SNED1: variants seen among roughly 807,000 people sequenced by gnomAD.
The protein encoded by SNED1 is sushi, nidogen and EGF-like domain-containing protein 1.
SNED1 carries 81 observed loss-of-function variants against 166.7 expected under a neutral mutation model. That is an observed-to-expected ratio of 0.49 (90% CI 0.41 to 0.58). The LOEUF (loss-of-function observed/expected upper bound fraction) is 0.58. SNED1 is among the 20% of genes least tolerant of loss of function. The pLI is 0.00. For synonymous variants in SNED1, 762 were observed against 822.0 expected (o/e 0.93, Z 1.25); for missense variants, 1,604 against 2,000.2 (o/e 0.80, Z 3.78).
At chr2:241,089,948 A>G (rs1282128404) in intron 31 of SNED1, 3 of 1,543,900 alleles carry the variant, frequency 1.9e-6, no homozygotes, top group Non-Finnish European at 2.6e-6. Context: ...ACCTACAGTA[A>G]AAATAGATAT....
At chr2:241,036,555 G>A (rs990416368) in intron 4 of SNED1, among the ~76,000 whole-genome samples, 6 of 152,068 alleles carry the variant, frequency 3.9e-5, no homozygotes, top group Non-Finnish European at 8.8e-5. Context: ...CAGGGAGTCC[G>A]CCCCACACGA....
chr2:241,072,588 G>A, intron 26 of SNED1: 1 of 266,740 alleles, frequency 3.7e-6, no homozygotes, highest in Non-Finnish European at 7.2e-6. Flanking sequence ...AGGCAGAGGA[G>A]GGAGGGAAAT....
intron 8 of SNED1, among the ~76,000 whole-genome samples, chr2:241,042,838 AAAAAG>A (rs1559255839): frequency 6.6e-6 from 1 of 152,350 alleles, no homozygotes; most frequent in Admixed American, 6.5e-5. Flanking sequence ...AGACTAAAAG[AAAAAG>A]AAGAGATCTT....
At chr2:241,090,339 A>C (rs1420087646) in intron 31 of SNED1, 2 of 1,550,322 alleles carry the variant, frequency 1.3e-6, no homozygotes, top group Non-Finnish European at 1.7e-6. Flanking sequence ...AGTAACACAC[A>C]TGGAGCTGCC....
chr2:241,031,579 C>T (rs1190806045), intron 2 of SNED1, among the ~76,000 whole-genome samples: 1 of 152,236 alleles, frequency 6.6e-6, no homozygotes, highest in Non-Finnish European at 1.5e-5. Flanking sequence ...CAGCCAGGGG[C>T]ACTTCCAGGA....
rs368184516 is a variant in SNED1, at chr2:241,065,470, G to A, written c.2885G>A (p.Arg962His). 8.7e-6 allele frequency: 14 copies of A among 1,612,866 alleles called. No individual in the cohort carries two copies. The African/African-American group carries it at 1.2e-4, about 14-fold the overall frequency. Residue 962 changes from arginine to histidine, a missense_variant, in exon 21 of 32, where the codon CGC becomes CAC. By Grantham distance (29) the Arg-to-His change is conservative (BLOSUM62 0). This residue lies in a region of SNED1 where 1,237 missense variants were observed against 1,620.8 expected (regional missense o/e 0.76). Coordinates refer to ENST00000310397, the MANE Select transcript of SNED1 (RefSeq NM_001080437.3). ...YRRTDFVDRT[R>H]SSHQLQALAA... ...CGCACAGACTTTGTGGACAGGACCCGCTCCTCGCACCAGCTCCAGGCCCTG... is the reference window on the plus strand; with the variant it reads ...CGCACAGACTTTGTGGACAGGACCCACTCCTCGCACCAGCTCCAGGCCCTG...
intron 21 of SNED1, among the ~76,000 whole-genome samples, chr2:241,066,382 G>C (rs1228552368): frequency 2.0e-5 from 3 of 152,216 alleles, no homozygotes; most frequent in Non-Finnish European, 4.4e-5. Flanking sequence ...GGACGGACAG[G>C]GGCAGGGCCG....
At position 241,069,993 on chromosome 2, in the gene SNED1, G is replaced by A. The variant is rs778440237; in HGVS notation, c.3381G>A (p.Pro1127=). Residue 1127 remains proline, a synonymous_variant, in exon 24 of 32, where the codon CCG becomes CCA. Transcript: ENST00000310397. This position sits in a 1 kb window ranked among gnomAD's most constrained non-coding sequence, Gnocchi z 4.9. ...CTGCCCACGTGGTCTGGGATGCCCC[G>A]ACTCCAGGCAGCTTGCTGGAGGCTT... The part of the protein sequence containing the change: ...ATSAHVVWDA[P]TPGSLLEAYV... 1.4e-5 allele frequency: 22 copies of A among 1,612,848 alleles called. No homozygotes were observed. The highest frequency in any genetic ancestry group is 6.6e-5 in the South Asian group (6 of 91,086).
rs1302551735 is a variant in SNED1 at position 241,036,895 on chromosome 2, C to T, written c.911C>T (p.Thr304Met). The change falls in exon 5 of 32, where the codon ACG becomes ATG. Residue 304 changes from threonine (T) to methionine (M), a missense_variant. By Grantham distance (81) the Thr-to-Met change is moderately conservative. This residue lies in a region of SNED1 where 1,237 missense variants were observed against 1,620.8 expected (regional missense o/e 0.76). Transcript: ENST00000310397. ...SYTCSCLSGF[T>M]GRRCHLDVNE... ...ACCTGCTCCTGCCTCTCGGGCTTCA[C>T]GGGGCGGAGGTGCCACCTGGGTGAG... 1.2e-6 allele frequency: 2 copies of T among 1,611,194 alleles called. No individual in the cohort carries two copies. The highest frequency in any genetic ancestry group is 1.1e-5 in the South Asian group (1 of 90,930).
Position 241,064,842 on chromosome 2 carries a change from AG to A in SNED1, c.2600-1del. On this transcript the variant is annotated splice_acceptor_variant, in intron 19 of 31. Coordinates refer to ENST00000310397, the MANE Select transcript of SNED1 (RefSeq NM_001080437.3). LOFTEE classifies it high-confidence loss of function. The surrounding 1 kb of genome is among the most constrained non-coding windows in gnomAD (Gnocchi z 7.0). ...ATACACTGCCACTTTTTCTCCCCTC[AG>A]TGAGTGACCCCTGCTTCTCCAGCCC... 1 of 1,582,190 alleles carries A rather than the reference AG, an allele frequency of 6.3e-7. No individual in the cohort carries two copies. The highest frequency in any genetic ancestry group is 8.6e-7 in the Non-Finnish European group (1 of 1,169,562).
At chr2:241,027,915 A>C (rs1157909563) in intron 1 of SNED1, among the ~76,000 whole-genome samples, 1 of 151,908 alleles carries the variant, frequency 6.6e-6, no homozygotes. Context: ...TTGTATTTCT[A>C]GTAGAGACAG....
intron 27 of SNED1, among the ~76,000 whole-genome samples, chr2:241,079,284 C>T (rs1224580163): frequency 1.3e-5 from 2 of 151,006 alleles, no homozygotes; most frequent in Non-Finnish European, 2.9e-5. Flanking sequence ...CAGTGGCAGG[C>T]GCCTGTAGTC....
chr2:241,048,590 G>A (rs2061733636), intron 9 of SNED1, 72 bp from the exon 10 acceptor site: 1 of 1,512,364 alleles, frequency 6.6e-7, no homozygotes, highest in African/African-American at 1.4e-5. Flanking sequence ...CCAGGAGCAG[G>A]GCAGGGTCTG....
chr2:241,088,415 T>C lies in SNED1; in HGVS notation c.*1+13T>C. 6.2e-7 allele frequency: 1 copy of C among 1,607,660 alleles called. No individual in the cohort carries two copies. Among genetic ancestry groups the C allele is most frequent in the Middle Eastern group, 1.7e-4 (1 of 6,052 alleles). ...GAGAAATCTTAAGGTACGTCCCTGC[T>C]GCTCCCGCCCCACTACCACAGAGCT... On this transcript the variant is annotated intron_variant, in intron 31 of 31. Transcript: ENST00000310397.
chr2:241,005,084 A>G (rs1011969255), intron 1 of SNED1, among the ~76,000 whole-genome samples: 47 of 152,030 alleles, frequency 3.1e-4, no homozygotes, highest in African/African-American at 1.1e-3. Context: ...AAAGTCTTTT[A>G]TATTTACCCA....
In SNED1 at chr2:241,051,918, G is replaced by A; in HGVS notation, c.1852+58G>A. 6.8e-7 allele frequency: 1 copy of A among 1,477,354 alleles called. No individual in the cohort carries two copies. The highest frequency in any genetic ancestry group is 2.5e-5 in the East Asian group (1 of 40,704). 91.5% of individuals were successfully genotyped at this position (1,477,354 alleles called of 1,614,324 possible). A position where few individuals can be genotyped will look rare whatever the true frequency, so the allele number is the denominator to read the frequency against. Reference sequence around the variant, plus strand: ...AACGACGGGCCAGCCCTGAGCTGGGGCCCCTGATGCACCCTCCCTGCCAGC... The same window carrying A: ...AACGACGGGCCAGCCCTGAGCTGGGACCCCTGATGCACCCTCCCTGCCAGC... On this transcript the variant is annotated intron_variant, in intron 13 of 31. Transcript: ENST00000310397. The surrounding 1 kb of genome is among the most constrained non-coding windows in gnomAD (Gnocchi z 4.7).
Position 241,055,150 on chromosome 2 carries a change from A to G in SNED1, c.2257+1824A>G, listed in dbSNP as rs529447149. On this transcript the variant is annotated intron_variant, in intron 16 of 31. Transcript: ENST00000310397. ...AAAAGAAAAAATATTTGTGCTGTAG[A>G]GGGTAGAAGGTGTGCTAAAGCTGAG... Among the ~76,000 whole-genome samples, 9 of 152,124 alleles carry G rather than the reference A, an allele frequency of 5.9e-5. No homozygotes were observed. The South Asian group carries it at 1.9e-3, about 32-fold the overall frequency.
chr2:241,025,326 C>T (rs1401438275), intron 1 of SNED1, among the ~76,000 whole-genome samples: 1 of 152,168 alleles, frequency 6.6e-6, no homozygotes, highest in Non-Finnish European at 1.5e-5. Context: ...GAAAAATTGT[C>T]TTCTATGAAA....
chr2:241,074,009 CTCCTGGTTCTAA>C (rs1268682889), intron 27 of SNED1: 1 of 153,058 alleles, frequency 6.5e-6, no homozygotes, highest in African/African-American at 2.4e-5. Context: ...CTCTACCTTT[CTCCTGGTTCTAA>C]TCCTTTGGGG....
Sources: allele counts gnomAD v4.1 joint callset (sites outside exome capture counted in the v4.1 genomes callset), GRCh38; gene constraint gnomAD v4.1.1; regional missense constraint gnomAD v4.1.1; non-coding constraint Gnocchi (gnomAD v3.1); transcripts MANE v1.5; gene names NCBI Gene and HGNC (gene_info 2026-07-23, HGNC 2026-07-21).